The following BNIP1 variants were observed in gnomAD, a reference collection of about 807,000 sequenced individuals.
The protein encoded by BNIP1 is vesicle transport protein SEC20.
BNIP1 carries 25 observed loss-of-function variants against 28.5 expected under a neutral mutation model. That is an observed-to-expected ratio of 0.88 (90% CI 0.64 to 1.23). BNIP1 has a LOEUF of 1.23. Among genes scored for constraint, BNIP1 ranks in the 50% most tolerant of loss-of-function variants. The pLI is 0.00. For missense variants in BNIP1, 276 were observed against 277.0 expected, an observed-to-expected ratio of 1.00 and a Z score of 0.02; for synonymous variants, 118 against 101.7, an observed-to-expected ratio of 1.16 and a Z score of -0.96.
At chr5:173,151,322 G>A (rs77604028) in intron 2 of BNIP1, among the ~76,000 whole-genome samples, 5,596 of 151,572 alleles carry the variant, frequency 0.037, 147 homozygotes, top group South Asian at 0.059. Context: ...AGGCTCAAGC[G>A]ATTTTCCTCC....
At chr5:173,163,689 GTC>G in intron 5 of BNIP1, 34 bp from the exon 6 acceptor site, 1 of 1,539,432 alleles carries the variant, frequency 6.5e-7, no homozygotes, top group South Asian at 1.3e-5. Flanking sequence ...TTGAGCTGCA[GTC>G]TCTGAGTTGG....
At position 173,156,650 on chromosome 5, in the gene BNIP1, G is replaced by C. The variant is rs1304863490; in HGVS notation, c.270-2094G>C. On this transcript the variant is annotated intron_variant, in intron 3 of 5. Transcript: ENST00000351486. ...AACGAGACCCTGCCTCTTTTCTTTTGTTTTTTTTTTTTTTTGAGACAGAGT... is the reference window on the plus strand; with the variant it reads ...AACGAGACCCTGCCTCTTTTCTTTTCTTTTTTTTTTTTTTTGAGACAGAGT... 1.4e-4 allele frequency among the ~76,000 whole-genome samples: 19 copies of C among 136,492 alleles called. 1 individual carries two copies. The highest frequency in any genetic ancestry group is 4.0e-4 in the African/African-American group (15 of 37,138). 89.5% of individuals were successfully genotyped at this position (136,492 alleles called of 152,430 possible).
In BNIP1 at chr5:173,158,317, A is replaced by G. The variant is rs5745155; in HGVS notation, c.270-427A>G. ...TCAAGATACTGGAGATGAGTAAGTC[A>G]TGGTTCTCCGGGGATGGTACCAATT... On this transcript the variant is annotated intron_variant, in intron 3 of 5. Transcript: ENST00000351486. Among the ~76,000 whole-genome samples the G allele has an allele frequency of 3.5e-3, 538 of 152,338 alleles. 2 individuals carry two copies. The highest frequency in any genetic ancestry group is 5.9e-3 in the Non-Finnish European group (401 of 68,030).
At chr5:173,163,316 A>G (rs925790300) in intron 5 of BNIP1, among the ~76,000 whole-genome samples, 1 of 152,216 alleles carries the variant, frequency 6.6e-6, no homozygotes, top group Non-Finnish European at 1.5e-5. Flanking sequence ...GCCGCACCTC[A>G]TAGGTGGAAG....
chr5:173,152,930 G>A (rs1283368176), intron 2 of BNIP1, among the ~76,000 whole-genome samples: 1 of 152,156 alleles, frequency 6.6e-6, no homozygotes, highest in African/African-American at 2.4e-5. Flanking sequence ...CGTGATTGAA[G>A]CTAGAACCTG....
Position 173,164,105 on chromosome 5 carries a change from A to C in BNIP1, c.*184A>C. ...TGGCTTGTAAAGGGTGAACAGAGCC[A>C]TGGGAGGAAGGTCTGGCATTGGGAT... On this transcript the variant is annotated 3_prime_UTR_variant, in exon 6 of 6. Coordinates refer to ENST00000351486, the MANE Select transcript of BNIP1 (RefSeq NM_001205.3). The surrounding 1 kb of genome is among the most constrained non-coding windows in gnomAD (Gnocchi z 4.0). 1.8e-6 allele frequency: 1 copy of C among 544,392 alleles called. No homozygotes were observed. The highest frequency in any genetic ancestry group is 3.0e-6 in the Non-Finnish European group (1 of 331,074). The allele number at this position is 544,392 out of a possible 1,614,324, so 33.7% of individuals were successfully genotyped here.
chr5:173,163,185 C>T (rs562640985), intron 5 of BNIP1, among the ~76,000 whole-genome samples: 1 of 152,336 alleles, frequency 6.6e-6, no homozygotes, highest in East Asian at 1.9e-4. Flanking sequence ...CTCCTTAAAG[C>T]TACAGCCAGT....
rs70984952 is a variant in BNIP1, at chr5:173,148,083, AATATAT to A, written c.177+1174_177+1179del. On this transcript the variant is annotated intron_variant, in intron 2 of 5. Coordinates refer to ENST00000351486, the MANE Select transcript of BNIP1 (RefSeq NM_001205.3). Reference sequence around the variant, plus strand: ...GTGTCAAAAAAAAAAAAAAAAAAAAAATATATATATATATATATATATATATATATA... The same window carrying A: ...GTGTCAAAAAAAAAAAAAAAAAAAAAATATATATATATATATATATATATA... Among the ~76,000 whole-genome samples, 206 of 40,208 alleles carry A rather than the reference AATATAT, an allele frequency of 5.1e-3. 1 individual carries two copies. Among genetic ancestry groups the A allele is most frequent in the Non-Finnish European group, 5.9e-3 (153 of 25,902 alleles). The allele number at this position is 40,208 out of a possible 152,430, so 26.4% of individuals were successfully genotyped here.
At chr5:173,156,939 G>A (rs565034109) in intron 3 of BNIP1, among the ~76,000 whole-genome samples, 5 of 151,142 alleles carry the variant, frequency 3.3e-5, no homozygotes, top group Admixed American at 6.6e-5. Context: ...GTGAGGCACC[G>A]TGCCCAGCCG....
At chr5:173,151,666 A>G (rs1188056327) in intron 2 of BNIP1, 5 of 1,612,420 alleles carry the variant, frequency 3.1e-6, no homozygotes, top group Admixed American at 3.3e-5. Context: ...CATGACTTCA[A>G]CTCTCCAACT....
chr5:173,159,869 G>A, intron 4 of BNIP1, 64 bp from the exon 5 acceptor site: 1 of 1,314,258 alleles, frequency 7.6e-7, no homozygotes, highest in Non-Finnish European at 1.1e-6. Flanking sequence ...ATTTGGATGT[G>A]GGGCCTTCTT....
intron 2 of BNIP1, among the ~76,000 whole-genome samples, chr5:173,151,960 C>A (rs185335547): frequency 3.3e-5 from 5 of 152,252 alleles, no homozygotes; most frequent in Non-Finnish European, 7.4e-5. Flanking sequence ...ATTTGAATGT[C>A]TTTTTTGTGT....
At chr5:173,155,119 A>G (rs1347198023) in intron 3 of BNIP1, among the ~76,000 whole-genome samples, 1 of 152,112 alleles carries the variant, frequency 6.6e-6, no homozygotes, top group African/African-American at 2.4e-5. Context: ...CTGTCTAAAA[A>G]TAAAATAAAA....
At chr5:173,151,174 T>C (rs992336361) in intron 2 of BNIP1, among the ~76,000 whole-genome samples, 6 of 152,164 alleles carry the variant, frequency 3.9e-5, no homozygotes, top group African/African-American at 7.2e-5. Context: ...TATACGTATA[T>C]TGGAAATTTT....
At position 173,163,779 on chromosome 5, in the gene BNIP1, G is replaced by T. The variant is rs769348016; in HGVS notation, c.545G>T (p.Gly182Val). The T allele has an allele frequency of 1.7e-4, 271 of 1,612,932 alleles. No individual in the cohort carries two copies. Among genetic ancestry groups the T allele is most frequent in the Non-Finnish European group, 2.3e-4 (267 of 1,179,596 alleles). Residue 182 changes from glycine to valine, a missense_variant, in exon 6 of 6, where the codon GGC becomes GTC. Coordinates refer to ENST00000351486, the MANE Select transcript of BNIP1 (RefSeq NM_001205.3). ...AATGAAGAATTTAAGTCCATGTCGG[G>T]CACCATCCAGCTGGGCCGGAAGCTT... ...DANEEFKSMS[G>V]TIQLGRKLIT...
intron 2 of BNIP1, among the ~76,000 whole-genome samples, chr5:173,153,158 C>T (rs929079946): frequency 9.2e-5 from 14 of 151,558 alleles, no homozygotes; most frequent in South Asian, 2.1e-4. Context: ...GCAGCTGGGT[C>T]GAGGCCAAGT....
At chr5:173,149,316 C>T (rs965615823) in intron 2 of BNIP1, among the ~76,000 whole-genome samples, 3 of 151,998 alleles carry the variant, frequency 2.0e-5, no homozygotes, top group Non-Finnish European at 4.4e-5. Flanking sequence ...GAGCAAGTCA[C>T]GTCTTATATG....
intron 4 of BNIP1, 65 bp downstream of exon 4, chr5:173,158,910 ACC>A: frequency 7.9e-7 from 1 of 1,260,192 alleles, no homozygotes; most frequent in Non-Finnish European, 1.1e-6. Context: ...GGTGTAGGAA[ACC>A]CCCTCTTGTT....
In BNIP1 at chr5:173,154,351, C is replaced by T; in HGVS notation, c.207C>T (p.Asp69=). The T allele has an allele frequency of 6.2e-7, 1 of 1,613,882 alleles. No individual in the cohort carries two copies. Among genetic ancestry groups the T allele is most frequent in the Non-Finnish European group, 8.5e-7 (1 of 1,179,912 alleles). The change falls in exon 3 of 6, where the codon GAC becomes GAT. Residue 69 remains aspartate, a synonymous_variant. Transcript: ENST00000351486. ...QDLEQLAKEQ[D]KESEKQLLLQ... ...TGGAGCAGTTGGCTAAAGAGCAAGA[C>T]AAAGAATCAGAGAAACAACTTCTAC...
Sources: gnomAD v4.1 joint callset for allele counts (sites outside exome capture counted in the v4.1 genomes callset) on GRCh38, gnomAD v4.1.1 for gene constraint, Gnocchi (gnomAD v3.1) non-coding constraint, MANE v1.5 for transcripts, NCBI Gene and HGNC (gene_info 2026-07-23, HGNC 2026-07-21) for gene names.